The following TTN variants were observed in gnomAD, a reference collection of about 807,000 sequenced individuals.
TTN encodes the protein connectin.
A neutral mutation model predicts 3,223.0 loss-of-function variants in TTN; 1,525 were observed. The ratio of observed to expected loss-of-function variants is 0.47; its 90% confidence interval spans 0.45 to 0.49. TTN has a LOEUF of 0.49. Ranked by LOEUF, TTN falls within the 20% of genes least tolerant of loss-of-function variation. The pLI is 0.00. For synonymous variants in TTN, 14,094 were observed against 15,161.0 expected (o/e 0.93, Z 5.17); for missense variants, 40,786 against 43,424.0 (o/e 0.94, Z 5.40).
Position 178,548,949 on chromosome 2 carries a change from T to C in TTN, c.92677A>G (p.Lys30893Glu), listed in dbSNP as rs370541682. The C allele has an allele frequency of 2.2e-5, 36 of 1,613,826 alleles. No individual in the cohort carries two copies. The African/African-American group carries it at 3.6e-4, about 16-fold the overall frequency. ...VTDLQAGEEY[K>E]FRVSAINGAG... ...CCATTGATAGCACTAACTCGGAATT[T>C]GTATTCTTCACCTGCTTGTAGATCA... Residue 30893 changes from lysine to glutamate, a missense_variant, in exon 339 of 363, where the codon AAA (lysine) becomes GAA (glutamate). Physicochemically the swap from Lys to Glu is moderately conservative, Grantham distance 56. Transcript: ENST00000589042. This position sits in a 1 kb window ranked among gnomAD's most constrained non-coding sequence, Gnocchi z 4.3.
intron 134 of TTN, 29 bp from the exon 135 acceptor site, chr2:178,682,932 T>G: frequency 6.4e-7 from 1 of 1,551,012 alleles, no homozygotes; most frequent in East Asian, 2.3e-5. Context: ...CAGGCAGCAC[T>G]TTACTTTAAA....
In TTN at chr2:178,723,455, A is replaced by G. The variant is rs774116417; in HGVS notation, c.21645T>C (p.Ala7215=). The change falls in exon 74 of 363, where the codon GCT becomes GCC. Residue 7215 remains alanine, a synonymous_variant. Transcript: ENST00000589042. The stretch of plus-strand genomic sequence containing the variant: ...GACGGGTAGTGCAAGATGCTTGGCC[A>G]GCGTTGTTAGAAACCACACAGGTGT... The part of the protein sequence containing the change: ...GEYTCVVSNN[A]GQASCTTRLF... 1.2e-6 allele frequency: 2 copies of G among 1,613,258 alleles called. No individual in the cohort carries two copies. Among genetic ancestry groups the G allele is most frequent in the Non-Finnish European group, 1.7e-6 (2 of 1,179,556 alleles).
At position 178,729,537 on chromosome 2, in the gene TTN, G is replaced by A; in HGVS notation, c.18619C>T (p.Pro6207Ser). The change falls in exon 64 of 363, where the codon CCT becomes TCT. Residue 6207 changes from proline to serine, a missense_variant. By Grantham distance (74) the Pro-to-Ser change is moderately conservative (BLOSUM62 -1). Coordinates refer to ENST00000589042, the MANE Select transcript of TTN (RefSeq NM_001267550.2). Reference sequence around the variant, plus strand: ...TCACTATATTTTACTACCTCCACAGGCTTCAGCTCTCTGATAAAGGTGGGG... The same window carrying A: ...TCACTATATTTTACTACCTCCACAGACTTCAGCTCTCTGATAAAGGTGGGG... ...EPPTFIRELK[P>S]VEVVKYSDVE... is the part of the protein sequence containing the mutation. 2 of 1,613,038 alleles carry A rather than the reference G, an allele frequency of 1.2e-6. No individual in the cohort carries two copies. Among genetic ancestry groups the A allele is most frequent in the Non-Finnish European group, 1.7e-6 (2 of 1,179,282 alleles).
At chr2:178,580,275 A>T in intron 317 of TTN, 46 bp from the exon 318 acceptor site, 1 of 1,605,178 alleles carries the variant, frequency 6.2e-7, no homozygotes, top group Non-Finnish European at 8.5e-7. Flanking sequence ...TAAAAAATAC[A>T]TAAGCTATTT....
rs780702569 is a variant in TTN, at chr2:178,527,697, G to A, written c.107429C>T (p.Thr35810Ile). 3 of 1,612,860 alleles carry A rather than the reference G, an allele frequency of 1.9e-6. No individual in the cohort carries two copies. Among genetic ancestry groups the A allele is most frequent in the African/African-American group, 2.7e-5 (2 of 74,920 alleles). ...AGACGAGAAGCTTCCTTGCAAGCTTGTGTCACCACTTGTTCTCAATACTAC... is the reference window on the plus strand; with the variant it reads ...AGACGAGAAGCTTCCTTGCAAGCTTATGTCACCACTTGTTCTCAATACTAC... The part of the protein sequence containing the change: ...REVVLRTSGD[T>I]SLQGSFSSQS... The change falls in exon 362 of 363, where the codon ACA (threonine) becomes ATA (isoleucine). Residue 35810 changes from threonine to isoleucine, a missense_variant. Physicochemically the swap from Thr to Ile is moderately conservative, Grantham distance 89. Coordinates refer to ENST00000589042, the MANE Select transcript of TTN (RefSeq NM_001267550.2).
chr2:178,745,158 G>T, intron 47 of TTN: 8 of 994,840 alleles, frequency 8.0e-6, no homozygotes, highest in Non-Finnish European at 9.6e-6. Flanking sequence ...TAGAATGGGA[G>T]CAGAGAGATT....
At chr2:178,546,185 A>G (rs752995314) in intron 342 of TTN, 27 bp downstream of exon 342, 25 of 1,595,446 alleles carry the variant, frequency 1.6e-5, no homozygotes, top group South Asian at 6.9e-5. Context: ...AATGCTATAT[A>G]AATGTGAGAA....
intron 41 of TTN, among the ~76,000 whole-genome samples, chr2:178,765,243 A>G (rs1237292547): frequency 6.6e-6 from 1 of 152,206 alleles, no homozygotes; most frequent in Admixed American, 6.5e-5. Flanking sequence ...ATTTGTGTTT[A>G]TGTCATAGTC....
intron 109 of TTN, 105 bp downstream of exon 109, chr2:178,701,935 C>T: frequency 8.7e-7 from 1 of 1,153,090 alleles, no homozygotes; most frequent in Non-Finnish European, 1.2e-6. Context: ...AAATATTTTA[C>T]CCAAAAGAGA....
chr2:178,546,953 A>G (rs1454805299), intron 340 of TTN, 48 bp from the exon 341 acceptor site: 2 of 1,583,070 alleles, frequency 1.3e-6, no homozygotes, highest in South Asian at 1.2e-5. Flanking sequence ...TCTGAGTTCT[A>G]CTAGAATCAG....
At chr2:178,737,446 G>A (rs1278772049) in intron 49 of TTN, 2 of 152,136 alleles carry the variant, frequency 1.3e-5, no homozygotes, top group Admixed American at 6.6e-5. Flanking sequence ...GACTACAGGT[G>A]CGTGACACCA....
intron 337 of TTN, 22 bp downstream of exon 337, chr2:178,549,964 T>G (rs1261812488): frequency 1.3e-6 from 2 of 1,586,816 alleles, no homozygotes; most frequent in Admixed American, 1.7e-5. Context: ...ATTGTAGCAT[T>G]AAGAAGCTAT....
intron 21 of TTN, 21 bp downstream of exon 21, chr2:178,781,100 A>G (rs573500348): frequency 6.2e-7 from 1 of 1,613,800 alleles, no homozygotes; most frequent in African/African-American, 1.3e-5. Flanking sequence ...TCATGCACAT[A>G]GAAACTGGAG....
chr2:178,726,086 A>T, intron 69 of TTN, 40 bp from the exon 70 acceptor site: 3 of 1,488,822 alleles, frequency 2.0e-6, no homozygotes, highest in Non-Finnish European at 2.7e-6. Flanking sequence ...GGGCTACTGA[A>T]TTTCACAAAA....
In TTN at chr2:178,531,699, C is replaced by T. The variant is rs751060613; in HGVS notation, c.104916G>A (p.Glu34972=). 3.1e-6 allele frequency: 5 copies of T among 1,613,978 alleles called. No homozygotes were observed. Among genetic ancestry groups the T allele is most frequent in the Admixed American group, 1.7e-5 (1 of 60,018 alleles). ...CCACACCATTGTGGTACCATTTAACCTCGGCAGTTGGCTTAGACTGAACAT... is the reference window on the plus strand; with the variant it reads ...CCACACCATTGTGGTACCATTTAACTTCGGCAGTTGGCTTAGACTGAACAT... ...ILNVQSKPTA[E]VKWYHNGVEL... The change falls in exon 358 of 363, where the codon GAG becomes GAA. Residue 34972 remains glutamate (E), a synonymous_variant. Transcript: ENST00000589042.
At chr2:178,603,609 T>TATTA (rs2054018633) in intron 282 of TTN, among the ~76,000 whole-genome samples, 3 of 152,112 alleles carry the variant, frequency 2.0e-5, no homozygotes, top group Admixed American at 2.0e-4. Flanking sequence ...TCCAGGTCTT[T>TATTA]ATTATTGTGA....
Position 178,672,244 on chromosome 2 carries a change from C to A in TTN, c.34954G>T (p.Val11652Leu), listed in dbSNP as rs371752190. The stretch of plus-strand genomic sequence containing the variant: ...ACTTCTTGGCGGAAGGCAACTGATA[C>A]TTTTTCTTCAAGGACAGTTCTCCCT... ...AKGRTVLEEKVSVAFRQEVVV... is the reference protein window; with the variant it reads ...AKGRTVLEEKLSVAFRQEVVV... Residue 11652 changes from valine (V) to leucine (L), a missense_variant, in exon 155 of 363, where the codon GTA becomes TTA. Transcript: ENST00000589042. The A allele has an allele frequency of 2.1e-5, 33 of 1,572,426 alleles. No homozygotes were observed. In the African/African-American group the frequency reaches 4.1e-4, roughly 20 times the overall value.
In TTN at chr2:178,639,808, G is replaced by GTGTAT. The variant is rs2060987133; in HGVS notation, c.40787-21_40787-20insATACA. The stretch of plus-strand genomic sequence containing the variant: ...TCACTTCTGTAGAGAGAAGTCCATT[G>GTGTAT]CATTAGTGTATCAATTTGTCACTTC... On this transcript the variant is annotated intron_variant, in intron 222 of 362. Transcript: ENST00000589042. 1 of 1,553,418 alleles carries GTGTAT rather than the reference G, an allele frequency of 6.4e-7. No homozygotes were observed. Among genetic ancestry groups the GTGTAT allele is most frequent in the Admixed American group, 2.1e-5 (1 of 47,166 alleles).
At chr2:178,759,674 A>C (rs2088458076) in intron 43 of TTN, among the ~76,000 whole-genome samples, 1 of 152,214 alleles carries the variant, frequency 6.6e-6, no homozygotes, top group Admixed American at 6.5e-5. Context: ...ATACCTTTGA[A>C]GGCTGTAGAA....
Sources: gnomAD v4.1 joint callset for allele counts (sites outside exome capture counted in the v4.1 genomes callset) on GRCh38, gnomAD v4.1.1 for gene constraint, Gnocchi (gnomAD v3.1) non-coding constraint, MANE v1.5 for transcripts, NCBI Gene and HGNC (gene_info 2026-07-23, HGNC 2026-07-21) for gene names.